Variants in FRMPD4 observed in about 807,000 individuals in gnomAD.
FRMPD4 encodes FERM and PDZ domain-containing protein 4.
Under a neutral mutation model 94.1 loss-of-function variants are expected in FRMPD4, and 22 were observed. That is an observed-to-expected ratio of 0.23 (90% CI 0.17 to 0.33). FRMPD4 has a LOEUF of 0.33. FRMPD4 is among the 10% of genes least tolerant of loss of function. The probability of loss-of-function intolerance (pLI) is 1.00; values close to 1 mark genes in which losing one functional copy is unlikely to be tolerated. For synonymous variants in FRMPD4, 631 were observed against 548.6 expected (o/e 1.15, Z -2.10); for missense variants, 1,111 against 1,339.9 (o/e 0.83, Z 2.67).
intron 1 of FRMPD4, among the ~76,000 whole-genome samples, chrX:12,360,622 C>T (rs2055970766): frequency 9.0e-6 from 1 of 111,498 alleles, no homozygotes; most frequent in African/African-American, 3.3e-5. Flanking sequence ...ATACAAATTC[C>T]TTCTTATCTT....
chrX:12,503,410 T>G (rs1482181155), intron 2 of FRMPD4, among the ~76,000 whole-genome samples: 1 of 111,880 alleles, frequency 8.9e-6, no homozygotes, highest in Non-Finnish European at 1.9e-5. Flanking sequence ...CAGTGGGCAA[T>G]TAAACTGAGT....
At chrX:12,446,949 G>A (rs1408682606) in intron 1 of FRMPD4, among the ~76,000 whole-genome samples, 1 of 111,392 alleles carries the variant, frequency 9.0e-6, no homozygotes, top group Non-Finnish European at 1.9e-5. Flanking sequence ...GTGGTGAGGA[G>A]CGTGGGCAAT....
intron 3 of FRMPD4, among the ~76,000 whole-genome samples, chrX:12,030,258 T>C (rs959830256): frequency 4.5e-5 from 5 of 112,190 alleles, no homozygotes; most frequent in African/African-American, 1.6e-4. Flanking sequence ...GCAACATCTT[T>C]TGTTGTTCCC....
chrX:12,416,393 A>G (rs1294857861), intron 1 of FRMPD4, among the ~76,000 whole-genome samples: 1 of 111,957 alleles, frequency 8.9e-6, no homozygotes, highest in East Asian at 2.8e-4. Flanking sequence ...CTACTTCCAC[A>G]GCAGTTGTGG....
At chrX:12,446,176 G>T (rs983040462) in intron 1 of FRMPD4, among the ~76,000 whole-genome samples, 4 of 112,128 alleles carry the variant, frequency 3.6e-5, no homozygotes, top group Non-Finnish European at 7.5e-5. Flanking sequence ...CCCACAGTTA[G>T]AAATACATTG....
intron 1 of FRMPD4, among the ~76,000 whole-genome samples, chrX:12,424,853 A>G (rs146839567): frequency 0.025 from 2,770 of 112,887 alleles, 94 homozygotes; most frequent in African/African-American, 0.084. Context: ...AATTACAAAT[A>G]AAGATTATAA....
At chrX:12,662,340 A>G (rs2059723301) in intron 4 of FRMPD4, among the ~76,000 whole-genome samples, 1 of 109,767 alleles carries the variant, frequency 9.1e-6, no homozygotes, top group Non-Finnish European at 1.9e-5. Flanking sequence ...TCCTAATGCT[A>G]TCCCTCCCCT....
At chrX:12,568,917 A>C (rs890653437) in intron 2 of FRMPD4, among the ~76,000 whole-genome samples, 2 of 111,964 alleles carry the variant, frequency 1.8e-5, no homozygotes, top group African/African-American at 6.5e-5. Flanking sequence ...GTGGAAATTT[A>C]ACTGCCATTG....
chrX:12,121,457 A>G (rs1475716108), intron 3 of FRMPD4, among the ~76,000 whole-genome samples: 1 of 112,337 alleles, frequency 8.9e-6, no homozygotes, highest in Admixed American at 9.5e-5. Flanking sequence ...TAATTCACAC[A>G]AACAAAAGAT....
chrX:12,384,064 C>T (rs1399892003), intron 1 of FRMPD4, among the ~76,000 whole-genome samples: 1 of 111,636 alleles, frequency 9.0e-6, no homozygotes, highest in African/African-American at 3.3e-5. Context: ...TAAGCTGCCT[C>T]CATTATATCA....
intron 3 of FRMPD4, among the ~76,000 whole-genome samples, chrX:12,058,894 G>A (rs187843769): frequency 2.7e-5 from 3 of 110,726 alleles, no homozygotes; most frequent in African/African-American, 6.6e-5. Context: ...TGCAATCCAC[G>A]CAACAGCCCC....
At chrX:12,536,076 T>TATATATATATC (rs1555980064) in intron 2 of FRMPD4, among the ~76,000 whole-genome samples, 2 of 105,937 alleles carry the variant, frequency 1.9e-5, no homozygotes, top group East Asian at 5.7e-4. Flanking sequence ...GATATATATA[T>TATATATATATC]ATATATATAT....
chrX:12,169,751 A>G (rs938658614), intron 1 of FRMPD4, among the ~76,000 whole-genome samples: 1 of 112,945 alleles, frequency 8.9e-6, no homozygotes, highest in Non-Finnish European at 1.9e-5. Flanking sequence ...TTTTAATCAT[A>G]TAACACTTTT....
intron 1 of FRMPD4, among the ~76,000 whole-genome samples, chrX:12,245,983 A>G (rs1289233769): frequency 8.9e-6 from 1 of 112,211 alleles, no homozygotes; most frequent in Non-Finnish European, 1.9e-5. Flanking sequence ...GACTAAGACA[A>G]TGTCCAAATG....
intron 3 of FRMPD4, among the ~76,000 whole-genome samples, chrX:12,077,407 C>T (rs186033718): frequency 2.7e-5 from 3 of 111,928 alleles, no homozygotes; most frequent in Admixed American, 9.5e-5. Context: ...TTCAGTCCCT[C>T]GGTTCCTAAT....
chrX:12,578,780 C>G (rs1602158340), intron 2 of FRMPD4, among the ~76,000 whole-genome samples: 2 of 111,808 alleles, frequency 1.8e-5, no homozygotes, highest in East Asian at 5.6e-4. Flanking sequence ...CCCCAAAAAA[C>G]AATTTTCATC....
At chrX:12,696,018 G>A (rs1166185142) in intron 9 of FRMPD4, among the ~76,000 whole-genome samples, 2 of 112,201 alleles carry the variant, frequency 1.8e-5, no homozygotes, top group East Asian at 5.6e-4. Flanking sequence ...TTATAGGCGT[G>A]AGCCACCGCG....
At chrX:12,433,092 G>C (rs765351769) in intron 1 of FRMPD4, among the ~76,000 whole-genome samples, 1 of 112,393 alleles carries the variant, frequency 8.9e-6, no homozygotes, top group South Asian at 3.7e-4. Context: ...AGCTACCTTA[G>C]TTGTCAGTTT....
chrX:11,857,019 C>G (rs1010469995), intron 1 of FRMPD4, among the ~76,000 whole-genome samples: 2 of 111,426 alleles, frequency 1.8e-5, no homozygotes, highest in Non-Finnish European at 3.8e-5. Context: ...AAGATCTCTA[C>G]AAGGAGAGCT....
Sources: allele counts gnomAD v4.1 joint callset (sites outside exome capture counted in the v4.1 genomes callset), GRCh38; gene constraint gnomAD v4.1.1; transcripts MANE v1.5; gene names NCBI Gene and HGNC (gene_info 2026-07-23, HGNC 2026-07-21).